Variants in ATXN7 observed in about 807,000 individuals in gnomAD.
The protein encoded by ATXN7 is ataxin-7.
In ATXN7, 12 loss-of-function variants were observed where a neutral mutation model predicts 70.5. The ratio of observed to expected loss-of-function variants is 0.17; its 90% CI spans 0.11 to 0.28. The LOEUF is 0.28. ATXN7 is among the 10% of genes least tolerant of loss of function. ATXN7 has a pLI of 1.00. For synonymous variants in ATXN7, 498 were observed against 448.7 expected, an observed-to-expected ratio of 1.11 and a Z score of -1.39; for missense variants, 1,256 against 1,131.7, an observed-to-expected ratio of 1.11 and a Z score of -1.58.
At chr3:63,978,122 A>G (rs139042566) in intron 5 of ATXN7, among the ~76,000 whole-genome samples, 1 of 152,302 alleles carries the variant, frequency 6.6e-6, no homozygotes, top group East Asian at 1.9e-4. Context: ...GTGGCTGCAC[A>G]GTAGAATCAG....
intron 1 of ATXN7, among the ~76,000 whole-genome samples, chr3:63,871,336 G>A (rs1319356915): frequency 1.3e-5 from 2 of 152,112 alleles, no homozygotes; most frequent in Non-Finnish European, 2.9e-5. Context: ...GGTGTAAAAT[G>A]TGTTCTTACT....
In ATXN7 at chr3:63,915,591, G is replaced by T. The variant is rs1704229829; in HGVS notation, c.394+2366G>T. ...TACCAAGAAAAGATGTTTTGAAGTTGAATCCATACTGATTCCTCTTGTTAA... is the reference window on the plus strand; with the variant it reads ...TACCAAGAAAAGATGTTTTGAAGTTTAATCCATACTGATTCCTCTTGTTAA... On this transcript the variant is annotated intron_variant, in intron 4 of 12. Coordinates refer to ENST00000674280, the MANE Select transcript of ATXN7 (RefSeq NM_001377405.1). Among the ~76,000 whole-genome samples the T allele has an allele frequency of 2.6e-5, 4 of 152,106 alleles. No individual in the cohort carries two copies. The South Asian group carries it at 8.3e-4, about 32-fold the overall frequency.
intron 2 of ATXN7, among the ~76,000 whole-genome samples, chr3:63,910,958 A>C (rs1430394833): frequency 6.6e-6 from 1 of 152,064 alleles, no homozygotes; most frequent in East Asian, 1.9e-4. Flanking sequence ...TTTTATGCTT[A>C]TGTAAACTTC....
chr3:63,991,967 T>A (rs2075679011), intron 11 of ATXN7, among the ~76,000 whole-genome samples: 3 of 152,184 alleles, frequency 2.0e-5, no homozygotes, highest in Admixed American at 2.0e-4. Flanking sequence ...GAACCTTTTT[T>A]AGGGGAACAT....
In ATXN7 at chr3:64,000,634, G is replaced by A. The variant is rs1283950700; in HGVS notation, c.*1167G>A. 2.0e-5 allele frequency: 3 copies of A among 152,204 alleles called. No homozygotes were observed. The highest frequency in any genetic ancestry group is 1.5e-5 in the Non-Finnish European group (1 of 68,080). 9.4% of individuals were successfully genotyped at this position (152,204 alleles called of 1,614,324 possible). A position where few individuals can be genotyped will look rare whatever the true frequency, so the allele number is the denominator to read the frequency against. On this transcript the variant is annotated 3_prime_UTR_variant, in exon 13 of 13. Transcript: ENST00000674280. ...TGTTTATTTGGATGTGGTTGGGGACGAGAGCAGACACCAAGGAAAGGGAGT... is the reference window on the plus strand; with the variant it reads ...TGTTTATTTGGATGTGGTTGGGGACAAGAGCAGACACCAAGGAAAGGGAGT...
chr3:63,958,178 A>C (rs2075068789), intron 5 of ATXN7, among the ~76,000 whole-genome samples: 1 of 152,180 alleles, frequency 6.6e-6, no homozygotes, highest in Admixed American at 6.5e-5. Flanking sequence ...ACATATTACA[A>C]ATCCTGTAAA....
At chr3:63,927,435 GA>G (rs1189972140) in intron 4 of ATXN7, among the ~76,000 whole-genome samples, 1 of 152,174 alleles carries the variant, frequency 6.6e-6, no homozygotes, top group Non-Finnish European at 1.5e-5. Context: ...CCCGGAGGGG[GA>G]AAACAGTATA....
At chr3:63,997,740 C>T (rs1291622283) in intron 12 of ATXN7, 2 of 1,543,570 alleles carry the variant, frequency 1.3e-6, no homozygotes, top group African/African-American at 2.8e-5. Flanking sequence ...CAGAACTTAA[C>T]TCAAATGCCA....
chr3:63,881,429 T>G (rs1702904350), intron 1 of ATXN7, among the ~76,000 whole-genome samples: 1 of 152,008 alleles, frequency 6.6e-6, no homozygotes, highest in South Asian at 2.1e-4. Context: ...GTGCAAATAC[T>G]CTAAGAGAAC....
At chr3:63,924,424 C>T (rs772211937) in intron 4 of ATXN7, among the ~76,000 whole-genome samples, 13 of 152,030 alleles carry the variant, frequency 8.6e-5, no homozygotes, top group Admixed American at 2.0e-4. Flanking sequence ...AGTCGTGGGA[C>T]CTAGGTTTGT....
intron 2 of ATXN7, among the ~76,000 whole-genome samples, chr3:63,903,409 A>AG (rs1703721843): frequency 4.7e-5 from 7 of 150,408 alleles, no homozygotes; most frequent in Non-Finnish European, 1.0e-4. Context: ...AAAAAAAAAA[A>AG]GGCACATATG....
At chr3:63,882,144 T>C (rs990258909) in intron 1 of ATXN7, among the ~76,000 whole-genome samples, 1 of 152,166 alleles carries the variant, frequency 6.6e-6, no homozygotes, top group African/African-American at 2.4e-5. Context: ...GCAGTATAAT[T>C]TTGCTGCTGC....
intron 1 of ATXN7, among the ~76,000 whole-genome samples, chr3:63,875,832 T>C (rs1227540287): frequency 6.6e-6 from 1 of 152,204 alleles, no homozygotes; most frequent in African/African-American, 2.4e-5. Context: ...TATGTTAGGC[T>C]CTTTCCCCCC....
intron 1 of ATXN7, among the ~76,000 whole-genome samples, chr3:63,871,966 A>T (rs1385245169): frequency 6.6e-6 from 1 of 151,948 alleles, no homozygotes; most frequent in Admixed American, 6.6e-5. Context: ...CTTTATTTGC[A>T]CCTGCATCTT....
chr3:63,999,354 C>A, intron 12 of ATXN7, 96 bp from the exon 13 acceptor site: 1 of 1,028,744 alleles, frequency 9.7e-7, no homozygotes, highest in Non-Finnish European at 1.5e-6. Context: ...TAGTAGCGTG[C>A]AGCCTTTGGA....
At chr3:63,988,543 G>A (rs2075615578) in intron 9 of ATXN7, 1 of 602,002 alleles carries the variant, frequency 1.7e-6, no homozygotes, top group African/African-American at 1.9e-5. Flanking sequence ...GCAAAATAAA[G>A]CTAGAGTTAT....
chr3:63,906,110 A>G (rs561813362), intron 2 of ATXN7, among the ~76,000 whole-genome samples: 23 of 152,308 alleles, frequency 1.5e-4, no homozygotes, highest in African/African-American at 5.3e-4. Flanking sequence ...AAATAGTTAA[A>G]TCTGCAGGCC....
At chr3:63,892,405 C>CAT (rs1703298579) in intron 1 of ATXN7, among the ~76,000 whole-genome samples, 1 of 150,338 alleles carries the variant, frequency 6.7e-6, no homozygotes. Flanking sequence ...CACACACACA[C>CAT]ACACACCCGC....
At chr3:63,920,037 G>A (rs1704446313) in intron 4 of ATXN7, among the ~76,000 whole-genome samples, 2 of 152,038 alleles carry the variant, frequency 1.3e-5, no homozygotes, top group Admixed American at 6.6e-5. Flanking sequence ...GGAGTTATAG[G>A]AAGAATTCAC....
Sources: allele counts gnomAD v4.1 joint callset (sites outside exome capture counted in the v4.1 genomes callset), GRCh38; gene constraint gnomAD v4.1.1; transcripts MANE v1.5; gene names NCBI Gene and HGNC (gene_info 2026-07-23, HGNC 2026-07-21).